Variants in FRMD4A observed in about 807,000 individuals in gnomAD.
The protein encoded by FRMD4A is FERM domain-containing protein 4A.
In FRMD4A, 29 loss-of-function variants were observed where a neutral mutation model predicts 129.1. That is an observed-to-expected ratio of 0.22 (90% confidence interval 0.17 to 0.31). FRMD4A has a LOEUF of 0.31. Among genes scored for constraint, FRMD4A ranks in the 10% least tolerant of loss-of-function variants. FRMD4A has a pLI of 1.00. For missense variants in FRMD4A, 1,272 were observed against 1,375.8 expected (o/e 0.92, Z 1.19); for synonymous variants, 634 against 571.6 (o/e 1.11, Z -1.56).
chr10:14,229,094 T>C (rs1843548969), intron 2 of FRMD4A, among the ~76,000 whole-genome samples: 1 of 151,998 alleles, frequency 6.6e-6, no homozygotes, highest in African/African-American at 2.4e-5. Context: ...CTTGTTTTTT[T>C]TTTGTTTGTT....
intron 2 of FRMD4A, among the ~76,000 whole-genome samples, chr10:14,269,841 T>A (rs959769522): frequency 7.2e-5 from 11 of 152,228 alleles, no homozygotes; most frequent in African/African-American, 2.4e-4. Context: ...TTCTCAATGC[T>A]TCAGCAGGAC....
intron 12 of FRMD4A, among the ~76,000 whole-genome samples, chr10:13,714,056 A>G (rs1231507307): frequency 8.3e-6 from 1 of 120,478 alleles, no homozygotes; most frequent in Non-Finnish European, 1.7e-5. Flanking sequence ...ATATATATAT[A>G]TATAAAATAT....
At chr10:13,971,947 T>C in intron 2 of FRMD4A, 1 of 1,216,408 alleles carries the variant, frequency 8.2e-7, no homozygotes, top group Non-Finnish European at 1.1e-6. Flanking sequence ...CCTCTGACTC[T>C]CCTCCCCCTA....
intron 20 of FRMD4A, among the ~76,000 whole-genome samples, 193 bp downstream of exon 20, chr10:13,660,121 TGA>T (rs1332137983): frequency 6.6e-6 from 1 of 152,250 alleles, no homozygotes; most frequent in Non-Finnish European, 1.5e-5. Flanking sequence ...CCAATTTCTC[TGA>T]GTCACAAAAA....
At chr10:13,999,613 T>C (rs1487643159) in intron 2 of FRMD4A, among the ~76,000 whole-genome samples, 2 of 152,214 alleles carry the variant, frequency 1.3e-5, no homozygotes, top group African/African-American at 4.8e-5. Context: ...CTTGGAAGCC[T>C]ATAGCGTTTT....
At chr10:13,811,012 G>A (rs1339319350) in intron 3 of FRMD4A, 104 bp from the exon 4 acceptor site, 2 of 617,628 alleles carry the variant, frequency 3.2e-6, no homozygotes, top group African/African-American at 3.7e-5. Flanking sequence ...ATGTCACAAA[G>A]CTCAAGTATT....
At chr10:14,164,871 A>G (rs1311128949) in intron 2 of FRMD4A, among the ~76,000 whole-genome samples, 4 of 152,212 alleles carry the variant, frequency 2.6e-5, no homozygotes, top group African/African-American at 9.6e-5. Flanking sequence ...GAGATTATGC[A>G]TGGACCTTCA....
At chr10:14,328,370 G>T (rs1304283010) in intron 2 of FRMD4A, among the ~76,000 whole-genome samples, 24 of 21,516 alleles carry the variant, frequency 1.1e-3, no homozygotes, top group African/African-American at 1.4e-3. Flanking sequence ...GTGTGTGGGT[G>T]GGGGGGGGGG....
chr10:13,685,499 T>A (rs2084986729), intron 15 of FRMD4A: 2 of 985,252 alleles, frequency 2.0e-6, no homozygotes, highest in Non-Finnish European at 2.4e-6. Context: ...CTGACCTATC[T>A]TCTGGGTCCA....
intron 3 of FRMD4A, among the ~76,000 whole-genome samples, chr10:13,828,535 C>CTTTCTTTTTTTTT (rs1554923864): frequency 1.5e-5 from 2 of 135,242 alleles, no homozygotes; most frequent in African/African-American, 2.7e-5. Flanking sequence ...TTCTTTCTTT[C>CTTTCTTTTTTTTT]TTTTTTTTTT....
At chr10:13,992,952 CAAAAAAAA>C (rs10648349) in intron 2 of FRMD4A, among the ~76,000 whole-genome samples, 6 of 65,996 alleles carry the variant, frequency 9.1e-5, no homozygotes, top group African/African-American at 2.8e-4. Flanking sequence ...GACTCTGTCT[CAAAAAAAA>C]AAAAAAAAAA....
At chr10:13,966,053 A>G (rs1251526154) in intron 2 of FRMD4A, among the ~76,000 whole-genome samples, 2 of 152,052 alleles carry the variant, frequency 1.3e-5, no homozygotes, top group East Asian at 3.9e-4. Context: ...CTTGTTGCCC[A>G]GATTGGAGTG....
rs1380129075 is a variant in FRMD4A, at chr10:14,005,026, C to T, written c.46-146114G>A. On this transcript the variant is annotated intron_variant, in intron 2 of 24. Coordinates refer to ENST00000357447, the MANE Select transcript of FRMD4A (RefSeq NM_018027.5). ...TTTATATTTCTTTCTTTCTTTCTTT[C>T]TTTCTTTTTTTTTTGAGACCTGAGT... Among the ~76,000 whole-genome samples, 3 of 151,258 alleles carry T rather than the reference C, an allele frequency of 2.0e-5. No homozygotes were observed. In the East Asian group the frequency reaches 5.8e-4, roughly 29 times the overall value.
chr10:13,769,500 A>G (rs144959145), intron 6 of FRMD4A, among the ~76,000 whole-genome samples: 1,828 of 152,118 alleles, frequency 0.012, 37 homozygotes, highest in African/African-American at 0.042. Flanking sequence ...AATAGAGACG[A>G]GGTTTCACCA....
chr10:14,166,397 C>G (rs1365520634), intron 2 of FRMD4A, among the ~76,000 whole-genome samples: 4 of 152,148 alleles, frequency 2.6e-5, no homozygotes, highest in Admixed American at 2.0e-4. Flanking sequence ...AGTTTACTCT[C>G]TCTGTGGAGA....
chr10:13,742,775 CT>C (rs1312482699), intron 9 of FRMD4A, among the ~76,000 whole-genome samples: 3 of 152,192 alleles, frequency 2.0e-5, no homozygotes, highest in Non-Finnish European at 4.4e-5. Flanking sequence ...TCTCAGCCTC[CT>C]GAAATGCTGG....
intron 2 of FRMD4A, among the ~76,000 whole-genome samples, chr10:14,238,950 T>A (rs1843931252): frequency 1.3e-5 from 2 of 152,212 alleles, no homozygotes. Flanking sequence ...GTATTTTGGT[T>A]GGTTCCAAGT....
intron 2 of FRMD4A, among the ~76,000 whole-genome samples, chr10:14,097,890 A>G (rs1408408432): frequency 6.8e-6 from 1 of 147,144 alleles, no homozygotes; most frequent in African/African-American, 2.5e-5. Context: ...TATATAATTT[A>G]CAATATGCAT....
At chr10:13,654,318 A>G in intron 23 of FRMD4A, 98 bp downstream of exon 23, 1 of 844,136 alleles carries the variant, frequency 1.2e-6, no homozygotes, top group East Asian at 2.4e-5. Flanking sequence ...ATGAACCCTC[A>G]TCATCCATTT....
Sources: allele counts gnomAD v4.1 joint callset (sites outside exome capture counted in the v4.1 genomes callset), GRCh38; gene constraint gnomAD v4.1.1; transcripts MANE v1.5; gene names NCBI Gene and HGNC (gene_info 2026-07-23, HGNC 2026-07-21).